KMT2C: variants seen among roughly 807,000 people sequenced by gnomAD.
KMT2C encodes histone-lysine N-methyltransferase 2C.
A neutral mutation model predicts 507.9 loss-of-function variants in KMT2C; 88 were observed. The ratio of observed to expected loss-of-function variants is 0.17; its 90% CI spans 0.15 to 0.21. The LOEUF is 0.21. KMT2C is among the 10% of genes least tolerant of loss of function. KMT2C has a pLI of 1.00. For synonymous variants in KMT2C, 2,049 were observed against 2,080.8 expected (o/e 0.98, Z 0.42); for missense variants, 4,954 against 5,957.8 (o/e 0.83, Z 5.55).
chr7:152,221,391 G>A (rs1239042440), intron 22 of KMT2C, among the ~76,000 whole-genome samples: 4 of 152,176 alleles, frequency 2.6e-5, no homozygotes, highest in East Asian at 1.9e-4. Flanking sequence ...ATCTATTTAC[G>A]TAAGAGAAGA....
intron 1 of KMT2C, among the ~76,000 whole-genome samples, chr7:152,385,330 T>C (rs541852360): frequency 2.1e-5 from 3 of 143,210 alleles, no homozygotes; most frequent in South Asian, 4.3e-4. Context: ...TGAGACGTGT[T>C]GGCCGGGCGC....
rs1445810069 is a variant in KMT2C, at chr7:152,167,216, G to A, written c.9680C>T (p.Pro3227Leu). The change falls in exon 42 of 59, where the codon CCA becomes CTA. Residue 3227 changes from proline (P) to leucine (L), a missense_variant. Pro to Leu is a moderately conservative substitution (Grantham distance 98). Coordinates refer to ENST00000262189, the MANE Select transcript of KMT2C (RefSeq NM_170606.3). ...CTTGAGTTGTTCTGCATCTTCCTCT[G>A]GAAATTCACGCCCAGCTTTCTTGGC... ...RTAKKAGREF[P>L]EEDAEQLKHV... 5 of 1,613,968 alleles carry A rather than the reference G, an allele frequency of 3.1e-6. No homozygotes were observed. The highest frequency in any genetic ancestry group is 4.2e-6 in the Non-Finnish European group (5 of 1,180,032).
At chr7:152,333,736 A>C (rs1481962831) in intron 2 of KMT2C, among the ~76,000 whole-genome samples, 1 of 152,258 alleles carries the variant, frequency 6.6e-6, no homozygotes, top group Non-Finnish European at 1.5e-5. Flanking sequence ...TAGTTAGAAA[A>C]AACTACAAAT....
intron 35 of KMT2C, 27 bp downstream of exon 35, chr7:152,182,947 A>G (rs765375504): frequency 5.3e-6 from 8 of 1,521,824 alleles, no homozygotes; most frequent in Non-Finnish European, 6.2e-6. Context: ...GCAACTTCAA[A>G]AAGTAGATTA....
intron 2 of KMT2C, among the ~76,000 whole-genome samples, chr7:152,333,376 C>T (rs1390852792): frequency 6.6e-6 from 1 of 152,198 alleles, no homozygotes; most frequent in Admixed American, 6.5e-5. Flanking sequence ...ATCCTCCTGC[C>T]TTGGCCTCCC....
chr7:152,371,984 A>G (rs2097296714), intron 1 of KMT2C, among the ~76,000 whole-genome samples: 2 of 152,216 alleles, frequency 1.3e-5, no homozygotes, highest in African/African-American at 4.8e-5. Flanking sequence ...AATCAAAAGC[A>G]TATCACTACC....
At chr7:152,317,832 C>T (rs547240500) in intron 3 of KMT2C, among the ~76,000 whole-genome samples, 3 of 152,008 alleles carry the variant, frequency 2.0e-5, no homozygotes, top group African/African-American at 7.3e-5. Context: ...ATAGTGAGAC[C>T]CTGCCTGTAT....
At chr7:152,286,732 A>C (rs1325644741) in intron 6 of KMT2C, among the ~76,000 whole-genome samples, 2 of 152,018 alleles carry the variant, frequency 1.3e-5, no homozygotes, top group Non-Finnish European at 2.9e-5. Context: ...GGGCAGACCA[A>C]TTAGGGCTTC....
intron 48 of KMT2C, among the ~76,000 whole-genome samples, chr7:152,153,384 G>A (rs2091804219): frequency 6.6e-6 from 1 of 151,896 alleles, no homozygotes; most frequent in African/African-American, 2.4e-5. Flanking sequence ...CTTCTAGTTT[G>A]GTCTCTACTG....
intron 1 of KMT2C, among the ~76,000 whole-genome samples, chr7:152,391,142 CAAAAAAAA>C (rs1195125465): frequency 2.3e-3 from 80 of 34,768 alleles, no homozygotes; most frequent in South Asian, 7.7e-3. Context: ...AGACTGTCTC[CAAAAAAAA>C]AAAAAAAAAA....
intron 9 of KMT2C, among the ~76,000 whole-genome samples, chr7:152,262,188 T>C (rs2095792743): frequency 3.3e-5 from 5 of 152,092 alleles, no homozygotes; most frequent in Admixed American, 2.6e-4. Flanking sequence ...ATCACCCTCC[T>C]TTCCCAGGCC....
chr7:152,264,379 CG>C (rs2095828463), intron 8 of KMT2C, among the ~76,000 whole-genome samples: 1 of 151,958 alleles, frequency 6.6e-6, no homozygotes, highest in African/African-American at 2.4e-5. Context: ...GGGGTGCAAG[CG>C]GAAATCACAG....
intron 1 of KMT2C, among the ~76,000 whole-genome samples, chr7:152,372,241 C>T (rs2097298441): frequency 6.6e-6 from 1 of 152,106 alleles, no homozygotes; most frequent in Non-Finnish European, 1.5e-5. Flanking sequence ...CCGCAACCTC[C>T]ACCTCCTGGG....
rs1264747731 is a variant in KMT2C, at chr7:152,263,055, T to C, written c.1260A>G (p.Pro420=). The part of the protein sequence containing the change: ...DKGYHTFCLQ[P]VMKSVPTNGW... ...CATTGGTTGGTACTGATTTCATAACTGGTTGAAGACAAAAAGTATGATACC... is the reference window on the plus strand; with the variant it reads ...CATTGGTTGGTACTGATTTCATAACCGGTTGAAGACAAAAAGTATGATACC... Residue 420 remains proline, a synonymous_variant, in exon 9 of 59, where the codon CCA becomes CCG. Coordinates refer to ENST00000262189, the MANE Select transcript of KMT2C (RefSeq NM_170606.3). 1 of 1,612,966 alleles carries C rather than the reference T, an allele frequency of 6.2e-7. No homozygotes were observed.
At position 152,139,057 on chromosome 7, in the gene KMT2C, C is replaced by T; in HGVS notation, c.14534+129G>A. The T allele has an allele frequency of 9.9e-6, 10 of 1,013,498 alleles. No individual in the cohort carries two copies. In the South Asian group the frequency reaches 1.4e-4, roughly 14 times the overall value. 62.8% of individuals were successfully genotyped at this position (1,013,498 alleles called of 1,614,324 possible). On this transcript the variant is annotated intron_variant, in intron 57 of 58. Transcript: ENST00000262189. ...ATAACATTTAAATAAAAATTCTCAA[C>T]TCATTTGCTCTGAATGTTTAGTCAC...
rs2091332393 is a variant in KMT2C at position 152,148,250 on chromosome 7, A to C, written c.13677T>G (p.Gly4559=). 1 of 1,614,240 alleles carries C rather than the reference A, an allele frequency of 6.2e-7. No homozygotes were observed. Among genetic ancestry groups the C allele is most frequent in the Non-Finnish European group, 8.5e-7 (1 of 1,180,048 alleles). The part of the protein sequence containing the change: ...RVGSLIFHTI[G]QLLPQQMQAF... ...CTTGCATCTGCTGTGGAAGCAGCTG[A>C]CCAATTGTGTGGAAGATGAGGCTAC... The change falls in exon 52 of 59, where the codon GGT becomes GGG. Residue 4559 remains glycine, a synonymous_variant. Coordinates refer to ENST00000262189, the MANE Select transcript of KMT2C (RefSeq NM_170606.3). This position sits in a 1 kb window ranked among gnomAD's most constrained non-coding sequence, Gnocchi z 7.1.
chr7:152,154,084 A>C lies in KMT2C; in HGVS notation c.12202T>G (p.Phe4068Val), dbSNP rs2091862736. The change falls in exon 48 of 59, where the codon TTT (phenylalanine) becomes GTT (valine). Residue 4068 changes from phenylalanine (F) to valine (V), a missense_variant. Around this residue, in one of 29 missense-constraint regions of KMT2C, gnomAD observed 417 missense variants for 461.1 expected, o/e 0.90. Coordinates refer to ENST00000262189, the MANE Select transcript of KMT2C (RefSeq NM_170606.3). ...CTGGGACCATTTGGGGAAGGACCAA[A>C]AGGTGACGCAAAATATAAAGTGCCT... The part of the protein sequence containing the change: ...EPGTLYFASP[F>V]GPSPNGPRSG... The C allele has an allele frequency of 4.3e-6, 7 of 1,614,048 alleles. No individual in the cohort carries two copies. Among genetic ancestry groups the C allele is most frequent in the Admixed American group, 3.3e-5 (2 of 60,008 alleles).
chr7:152,408,833 AAT>A (rs2097650701), intron 1 of KMT2C, among the ~76,000 whole-genome samples: 1 of 151,684 alleles, frequency 6.6e-6, no homozygotes, highest in African/African-American at 2.4e-5. Flanking sequence ...AAAAAAAAAA[AAT>A]GTAGCCAATG....
chr7:152,348,346 T>C (rs1589352846), intron 2 of KMT2C, among the ~76,000 whole-genome samples: 1 of 151,632 alleles, frequency 6.6e-6, no homozygotes, highest in Non-Finnish European at 1.5e-5. Flanking sequence ...TCTGTAATCC[T>C]AGCACTTTGG....
Sources: gnomAD v4.1 joint callset for allele counts (sites outside exome capture counted in the v4.1 genomes callset) on GRCh38, gnomAD v4.1.1 for gene constraint, gnomAD v4.1.1 regional missense constraint, Gnocchi (gnomAD v3.1) non-coding constraint, MANE v1.5 for transcripts, NCBI Gene and HGNC (gene_info 2026-07-23, HGNC 2026-07-21) for gene names.